Variants in AXL observed in about 807,000 individuals in gnomAD.
The protein encoded by AXL is tyrosine-protein kinase receptor UFO.
AXL carries 52 observed loss-of-function variants against 104.5 expected under a neutral mutation model. That is an observed-to-expected ratio of 0.50 (90% CI 0.40 to 0.63). The LOEUF is 0.63. Ranked by LOEUF, AXL falls within the 20% of genes least tolerant of loss-of-function variation. The pLI is 0.00. For synonymous variants in AXL, 455 were observed against 473.7 expected, an observed-to-expected ratio of 0.96 and a Z score of 0.51; for missense variants, 1,024 against 1,188.5, an observed-to-expected ratio of 0.86 and a Z score of 2.04.
chr19:41,246,379 G>A (rs746486925), intron 12 of AXL, among the ~76,000 whole-genome samples: 9 of 151,938 alleles, frequency 5.9e-5, no homozygotes, highest in South Asian at 2.1e-4. Flanking sequence ...CCCGGGAGGC[G>A]GATGTTGCAG....
chr19:41,249,482 GT>G (rs1409474788), intron 14 of AXL, among the ~76,000 whole-genome samples: 3 of 151,564 alleles, frequency 2.0e-5, no homozygotes, highest in Admixed American at 6.6e-5. Context: ...ATGGCTGGGC[GT>G]GGTGGCTCAC....
chr19:41,239,337 C>A, intron 9 of AXL, 23 bp downstream of exon 9: 1 of 1,546,076 alleles, frequency 6.5e-7, no homozygotes, highest in East Asian at 2.3e-5. Flanking sequence ...CCATGCCCAA[C>A]CTGCTTCAAC....
intron 4 of AXL, among the ~76,000 whole-genome samples, chr19:41,224,875 A>G (rs548131072): frequency 1.3e-5 from 2 of 152,210 alleles, no homozygotes; most frequent in Admixed American, 6.5e-5. Context: ...CTCTGAGTAC[A>G]TGACCTAAGG....
At chr19:41,251,056 G>A (rs575483992) in intron 14 of AXL, among the ~76,000 whole-genome samples, 22 of 152,302 alleles carry the variant, frequency 1.4e-4, no homozygotes, top group Admixed American at 7.2e-4. Flanking sequence ...CAGACTGCCC[G>A]GGTTTGAGAT....
intron 6 of AXL, among the ~76,000 whole-genome samples, chr19:41,231,590 C>T (rs1237038815): frequency 6.6e-6 from 1 of 152,092 alleles, no homozygotes; most frequent in Non-Finnish European, 1.5e-5. Context: ...TGAGTGAATG[C>T]AAATTACCAA....
At chr19:41,237,681 C>T (rs1472647505) in intron 6 of AXL, among the ~76,000 whole-genome samples, 1 of 152,088 alleles carries the variant, frequency 6.6e-6, no homozygotes, top group African/African-American at 2.4e-5. Flanking sequence ...CCCCGTGTGC[C>T]CAAGGAAAAA....
At chr19:41,253,470 T>C (rs1234399861) in intron 16 of AXL, 129 bp from the exon 17 acceptor site, 1 of 681,638 alleles carries the variant, frequency 1.5e-6, no homozygotes, top group Non-Finnish European at 2.6e-6. Flanking sequence ...TGGAGAGGGG[T>C]TGGGTTGAAT....
At chr19:41,230,095 A>G (rs541904530) in intron 4 of AXL, among the ~76,000 whole-genome samples, 1 of 152,034 alleles carries the variant, frequency 6.6e-6, no homozygotes, top group South Asian at 2.1e-4. Context: ...GTATGTGAGT[A>G]TCTAGGTGTA....
chr19:41,242,997 A>C lies in AXL; in HGVS notation c.1427A>C (p.Lys476Thr), dbSNP rs762849651. Residue 476 changes from lysine to threonine, a missense_variant, in exon 11 of 20, where the codon AAG becomes ACG. Physicochemically the swap from Lys to Thr is moderately conservative, Grantham distance 78. Around this residue, in one of 5 missense-constraint regions of AXL, gnomAD observed 523 missense variants for 636.0 expected, o/e 0.82. Coordinates refer to ENST00000301178, the MANE Select transcript of AXL (RefSeq NM_021913.5). ...ILALFLVHRRKKETRYGEVFE... is the reference protein window; with the variant it reads ...ILALFLVHRRTKETRYGEVFE... ...GCTCTCTTCCTTGTCCACCGGCGAA[A>C]GAAGGAGACCCGTTATGGGTGAGTT... The C allele has an allele frequency of 2.5e-6, 4 of 1,614,172 alleles. No individual in the cohort carries two copies. The South Asian group carries it at 4.4e-5, about 18-fold the overall frequency.
At chr19:41,253,855 T>G in intron 17 of AXL, 147 bp downstream of exon 17, 2 of 656,744 alleles carry the variant, frequency 3.0e-6, no homozygotes, top group Non-Finnish European at 2.7e-6. Flanking sequence ...TAAGGGGGTC[T>G]GGGAAGGCTT....
chr19:41,221,162 C>T lies in AXL; in HGVS notation c.325C>T (p.Leu109Phe), dbSNP rs528480367. The change falls in exon 3 of 20, where the codon CTT becomes TTT. Residue 109 changes from leucine (L) to phenylalanine (F), a missense_variant. By Grantham distance (22) the Leu-to-Phe change is conservative (BLOSUM62 0). Coordinates refer to ENST00000301178, the MANE Select transcript of AXL (RefSeq NM_021913.5). ...VSQLRITSLQ[L>F]SDTGQYQCLV... The stretch of plus-strand genomic sequence containing the variant: ...CCCTGTCAGAATCACCTCCCTGCAG[C>T]TTTCCGACACGGGACAGTACCAGTG... The T allele has an allele frequency of 6.2e-7, 1 of 1,614,058 alleles. No individual in the cohort carries two copies. The highest frequency in any genetic ancestry group is 1.1e-5 in the South Asian group (1 of 91,068).
At position 41,259,241 on chromosome 19, in the gene AXL, G is replaced by T. The variant is rs76964831; in HGVS notation, c.2334-312G>T. Among the ~76,000 whole-genome samples the T allele has an allele frequency of 6.6e-3, 1,006 of 152,256 alleles. 14 individuals carry two copies. The highest frequency in any genetic ancestry group is 0.023 in the African/African-American group (944 of 41,526). ...TTTAAACCAGCACAGCTTGTAAGTGGCATAGCCAGGCTTTGATGCAAGTCT... is the reference window on the plus strand; with the variant it reads ...TTTAAACCAGCACAGCTTGTAAGTGTCATAGCCAGGCTTTGATGCAAGTCT... On this transcript the variant is annotated intron_variant, in intron 19 of 19. Transcript: ENST00000301178.
intron 4 of AXL, among the ~76,000 whole-genome samples, chr19:41,224,977 G>A (rs1379845991): frequency 1.3e-5 from 2 of 152,024 alleles, no homozygotes; most frequent in Non-Finnish European, 2.9e-5. Context: ...TCAGGCCTGC[G>A]CATCTACGAA....
At chr19:41,249,926 C>T (rs2034334821) in intron 14 of AXL, among the ~76,000 whole-genome samples, 1 of 152,116 alleles carries the variant, frequency 6.6e-6, no homozygotes, top group East Asian at 1.9e-4. Context: ...CAAGAGGAAA[C>T]CACTAGGAAA....
intron 19 of AXL, 114 bp from the exon 20 acceptor site, chr19:41,259,439 T>TA: frequency 1.1e-6 from 1 of 875,700 alleles, no homozygotes; most frequent in South Asian, 1.8e-5. Context: ...AGGCTCCCTA[T>TA]AACCCTCTAA....
At chr19:41,234,577 G>A (rs377592372) in intron 6 of AXL, among the ~76,000 whole-genome samples, 1 of 152,120 alleles carries the variant, frequency 6.6e-6, no homozygotes, top group Non-Finnish European at 1.5e-5. Context: ...GAAAACAAAC[G>A]TTAGCTGTTG....
intron 4 of AXL, among the ~76,000 whole-genome samples, chr19:41,226,363 C>T (rs1180627209): frequency 6.6e-6 from 1 of 152,212 alleles, no homozygotes; most frequent in Non-Finnish European, 1.5e-5. Flanking sequence ...CCCACTCGGG[C>T]CGCCCGCCCG....
chr19:41,236,871 G>A (rs535562028), intron 6 of AXL, among the ~76,000 whole-genome samples: 27 of 151,904 alleles, frequency 1.8e-4, no homozygotes, highest in African/African-American at 6.0e-4. Context: ...TCTAACACAT[G>A]TGGCCCAGGA....
chr19:41,225,720 G>A (rs535414131), intron 4 of AXL, among the ~76,000 whole-genome samples: 7 of 152,236 alleles, frequency 4.6e-5, no homozygotes, highest in African/African-American at 1.4e-4. Flanking sequence ...CGGTGTTTTT[G>A]TGTCACTGTG....
Sources: gnomAD v4.1 joint callset for allele counts (sites outside exome capture counted in the v4.1 genomes callset) on GRCh38, gnomAD v4.1.1 for gene constraint, gnomAD v4.1.1 regional missense constraint, MANE v1.5 for transcripts, NCBI Gene and HGNC (gene_info 2026-07-23, HGNC 2026-07-21) for gene names.